The following PIK3C2G variants were observed in gnomAD, a reference collection of about 807,000 sequenced individuals.
The protein encoded by PIK3C2G is phosphatidylinositol-4-phosphate 3-kinase catalytic subunit type 2 gamma, also known as phosphatidylinositol 3-kinase C2 domain-containing subunit gamma.
A neutral mutation model predicts 181.1 loss-of-function variants in PIK3C2G; 168 were observed. The ratio of observed to expected loss-of-function variants is 0.93; its 90% CI spans 0.82 to 1.05. PIK3C2G has a LOEUF of 1.05. PIK3C2G is among the 50% of genes least tolerant of loss of function. The pLI is 0.00. For synonymous variants in PIK3C2G, 573 were observed against 592.2 expected, an observed-to-expected ratio of 0.97 and a Z score of 0.47; for missense variants, 1,869 against 1,732.8, an observed-to-expected ratio of 1.08 and a Z score of -1.40.
At chr12:18,637,998 C>A (rs1424442703) in intron 31 of PIK3C2G, among the ~76,000 whole-genome samples, 1 of 152,158 alleles carries the variant, frequency 6.6e-6, no homozygotes, top group Non-Finnish European at 1.5e-5. Context: ...CTTAATATAA[C>A]TTTATGTTCT....
intron 24 of PIK3C2G, among the ~76,000 whole-genome samples, chr12:18,507,931 C>A (rs1941945577): frequency 1.3e-5 from 2 of 152,214 alleles, no homozygotes; most frequent in Admixed American, 1.3e-4. Context: ...GCTACTGCTA[C>A]TTCTAGAGTT....
At chr12:18,492,939 T>C (rs1004564708) in intron 20 of PIK3C2G, 32 of 152,328 alleles carry the variant, frequency 2.1e-4, no homozygotes, top group African/African-American at 6.8e-4. Context: ...AACCACTGTC[T>C]GGTTCCATTT....
At chr12:18,275,526 C>T (rs1487226649) in intron 1 of PIK3C2G, among the ~76,000 whole-genome samples, 5 of 152,078 alleles carry the variant, frequency 3.3e-5, no homozygotes, top group South Asian at 2.1e-4. Context: ...GGATTACAGG[C>T]GTCCGCCACC....
the PIK3C2G span, among the ~76,000 whole-genome samples, chr12:18,714,404 AACTG>A: frequency 6.6e-6 from 1 of 152,166 alleles, no homozygotes; most frequent in Non-Finnish European, 1.5e-5. Flanking sequence ...GTTTGACATA[AACTG>A]ACTGTTAGTA....
At position 18,317,767 on chromosome 12, in the gene PIK3C2G, C is replaced by T. The variant is rs1950931908; in HGVS notation, c.1138-3195C>T. Among the ~76,000 whole-genome samples the T allele has an allele frequency of 2.0e-5, 3 of 152,168 alleles. No individual in the cohort carries two copies. In the South Asian group the frequency reaches 6.2e-4, roughly 31 times the overall value. On this transcript the variant is annotated intron_variant, in intron 6 of 32. Transcript: ENST00000538779. ...GGCCTTCTATAAAAAAGCAAAAATT[C>T]TGGTTTCATATTGCTGTATTTCAAA...
chr12:18,612,797 T>C (rs1948409238), intron 31 of PIK3C2G, among the ~76,000 whole-genome samples: 1 of 152,178 alleles, frequency 6.6e-6, no homozygotes, highest in Non-Finnish European at 1.5e-5. Context: ...CCTAGAGTTC[T>C]GTTATGTTTA....
chr12:18,243,132 C>T (rs116266768), upstream of PIK3C2G, among the ~76,000 whole-genome samples: 69 of 151,976 alleles, frequency 4.5e-4, no homozygotes, highest in African/African-American at 1.6e-3. Flanking sequence ...TTTATGTAAT[C>T]AGAAATGCCT....
At chr12:18,246,042 A>T (rs1265816227), upstream of PIK3C2G, among the ~76,000 whole-genome samples, 1 of 152,150 alleles carries the variant, frequency 6.6e-6, no homozygotes, top group Non-Finnish European at 1.5e-5. Flanking sequence ...TTTAGCTGAG[A>T]AATAAATTTT....
chr12:18,594,018 T>C (rs1389962343), intron 29 of PIK3C2G, among the ~76,000 whole-genome samples: 3 of 151,916 alleles, frequency 2.0e-5, no homozygotes, highest in African/African-American at 4.8e-5. Context: ...TGCCTCTCTT[T>C]TAAATTCCTC....
At position 18,399,724 on chromosome 12, in the gene PIK3C2G, C is replaced by G. The variant is rs778683366; in HGVS notation, c.2192C>G (p.Ser731Cys). The change falls in exon 16 of 33, where the codon TCC becomes TGC. Residue 731 changes from serine (S) to cysteine (C), a missense_variant. Transcript: ENST00000538779. ...YRFYCNNENC[S>C]LPLVLGSAPG... ...TTCTACTGCAATAATGAAAACTGCTCCCTTCCTTTAGTCCTGGGTAGTGCC... is the reference window on the plus strand; with the variant it reads ...TTCTACTGCAATAATGAAAACTGCTGCCTTCCTTTAGTCCTGGGTAGTGCC... The G allele has an allele frequency of 1.1e-5, 18 of 1,602,832 alleles. No individual in the cohort carries two copies. Among genetic ancestry groups the G allele is most frequent in the Non-Finnish European group, 1.5e-5 (18 of 1,171,946 alleles).
intron 26 of PIK3C2G, among the ~76,000 whole-genome samples, chr12:18,557,418 A>G (rs1565504611): frequency 6.6e-6 from 1 of 152,112 alleles, no homozygotes. Flanking sequence ...ATATATGATC[A>G]CCTAAATAGA....
chr12:18,612,001 A>AC (rs1948364650), intron 31 of PIK3C2G, among the ~76,000 whole-genome samples: 1 of 152,110 alleles, frequency 6.6e-6, no homozygotes, highest in Non-Finnish European at 1.5e-5. Context: ...CCTTTGCGGA[A>AC]GGAGTCTTAT....
intron 16 of PIK3C2G, among the ~76,000 whole-genome samples, chr12:18,420,235 A>C (rs893368031): frequency 2.6e-5 from 4 of 152,086 alleles, no homozygotes; most frequent in African/African-American, 4.8e-5. Context: ...AATTGAATCT[A>C]TTTCTTCTGA....
chr12:18,300,279 T>A (rs1306727574), intron 5 of PIK3C2G, among the ~76,000 whole-genome samples: 2 of 152,020 alleles, frequency 1.3e-5, no homozygotes, highest in African/African-American at 4.8e-5. Flanking sequence ...TGTATGTGTT[T>A]ATTGGATACA....
intron 1 of PIK3C2G, among the ~76,000 whole-genome samples, chr12:18,254,006 CTGAG>C (rs889752756): frequency 7.7e-6 from 1 of 130,454 alleles, no homozygotes; most frequent in Non-Finnish European, 1.7e-5. Flanking sequence ...AGAGACAAAC[CTGAG>C]TAAGAAAAAA....
the PIK3C2G span, among the ~76,000 whole-genome samples, chr12:18,658,679 C>A: frequency 1.1e-4 from 16 of 152,028 alleles, no homozygotes; most frequent in East Asian, 5.8e-4. Context: ...ACATAACCGA[C>A]CTGTAACTTT....
the PIK3C2G span, among the ~76,000 whole-genome samples, chr12:18,705,998 G>A: frequency 9.9e-5 from 15 of 152,042 alleles, no homozygotes; most frequent in East Asian, 3.9e-4. Flanking sequence ...AGGCCGAGGC[G>A]GGTGGATCAC....
At chr12:18,287,027 C>A in intron 3 of PIK3C2G, 98 bp downstream of exon 3, 2 of 490,214 alleles carry the variant, frequency 4.1e-6, no homozygotes, top group South Asian at 1.3e-4. Flanking sequence ...ATATAAAAGT[C>A]AAAGTCATGT....
At position 18,376,397 on chromosome 12, in the gene PIK3C2G, T is replaced by A. The variant is rs75524225; in HGVS notation, c.1880+5086T>A. Among the ~76,000 whole-genome samples the A allele has an allele frequency of 1.1e-3, 163 of 152,364 alleles. 1 individual carries two copies. The highest frequency in any genetic ancestry group is 3.3e-3 in the African/African-American group (137 of 41,582). ...CAAATTCTCCCTTTTGGAATAAGAA[T>A]GTTTACCCAATTTCTGTACCCTCAT... On this transcript the variant is annotated intron_variant, in intron 13 of 32. Coordinates refer to ENST00000538779, the MANE Select transcript of PIK3C2G (RefSeq NM_001288772.2).
Sources: gnomAD v4.1 joint callset for allele counts (sites outside exome capture counted in the v4.1 genomes callset) on GRCh38, gnomAD v4.1.1 for gene constraint, MANE v1.5 for transcripts, NCBI Gene and HGNC (gene_info 2026-07-23, HGNC 2026-07-21) for gene names.